Variants in NSD2 observed in about 807,000 individuals in gnomAD.
NSD2 encodes the protein histone-lysine N-methyltransferase NSD2.
Under a neutral mutation model 139.0 loss-of-function variants are expected in NSD2, and 12 were observed. The observed-to-expected ratio is 0.09, with a 90% confidence interval of 0.06 to 0.14. The LOEUF (loss-of-function observed/expected upper bound fraction) is 0.14, where lower values mean the gene tolerates loss of function less well. Ranked by LOEUF, NSD2 falls within the 10% of genes least tolerant of loss-of-function variation. NSD2 has a pLI of 1.00. For synonymous variants in NSD2, 669 were observed against 648.7 expected (o/e 1.03, Z -0.48); for missense variants, 1,155 against 1,745.0 (o/e 0.66, Z 6.02).
At chr4:1,978,080 T>G (rs1219337147) in intron 21 of NSD2, among the ~76,000 whole-genome samples, 1 of 151,970 alleles carries the variant, frequency 6.6e-6, no homozygotes, top group African/African-American at 2.4e-5. Flanking sequence ...TGAGCCAAGA[T>G]TGCGCCACTG....
At chr4:1,906,658 T>C (rs1182466381) in intron 3 of NSD2, among the ~76,000 whole-genome samples, 1 of 140,344 alleles carries the variant, frequency 7.1e-6, no homozygotes, top group Admixed American at 7.0e-5. Context: ...CTCTCTCTTT[T>C]TTTTTTTTTT....
chr4:1,908,019 C>T (rs1263611785), intron 3 of NSD2, among the ~76,000 whole-genome samples: 11 of 152,206 alleles, frequency 7.2e-5, no homozygotes, highest in African/African-American at 2.7e-4. Context: ...TTTCGGGAAA[C>T]ATCACATCAG....
intron 5 of NSD2, among the ~76,000 whole-genome samples, chr4:1,921,328 G>A (rs1720088531): frequency 6.6e-6 from 1 of 151,776 alleles, no homozygotes; most frequent in Middle Eastern, 3.4e-3. Flanking sequence ...GCATGGTGGC[G>A]TGCGCCTGTA....
rs189589851 is a variant in NSD2, at chr4:1,877,003, G to C, written c.-30+5461G>C. ...ATACAAAAAATTAGCTGGGCGTGGT[G>C]GTGGGTGCCTGTAATCCCAGCTACT... is the stretch of plus-strand genomic sequence containing the variant. On this transcript the variant is annotated intron_variant, in intron 1 of 21. Coordinates refer to ENST00000508803, the MANE Select transcript of NSD2 (RefSeq NM_001042424.3). Among the ~76,000 whole-genome samples the C allele has an allele frequency of 1.7e-4, 26 of 151,924 alleles. No homozygotes were observed. In the East Asian group the frequency reaches 4.1e-3, roughly 24 times the overall value.
intron 3 of NSD2, 144 bp downstream of exon 3, chr4:1,904,522 T>C: frequency 1.2e-6 from 1 of 825,598 alleles, no homozygotes; most frequent in South Asian, 2.0e-5. Context: ...TTGATTCAAG[T>C]GTGATGTGTT....
At chr4:1,881,833 G>C (rs1714727936) in intron 1 of NSD2, among the ~76,000 whole-genome samples, 1 of 152,182 alleles carries the variant, frequency 6.6e-6, no homozygotes. Context: ...CTTCCTGATG[G>C]GATAGACACT....
intron 1 of NSD2, among the ~76,000 whole-genome samples, chr4:1,890,289 G>T (rs891524149): frequency 6.6e-6 from 1 of 151,528 alleles, no homozygotes; most frequent in East Asian, 1.9e-4. Flanking sequence ...AGTTTTTTTT[G>T]TTTTGTTTTG....
intron 18 of NSD2, among the ~76,000 whole-genome samples, chr4:1,970,809 C>T (rs549696810): frequency 6.6e-6 from 1 of 152,194 alleles, no homozygotes; most frequent in South Asian, 2.1e-4. Context: ...TGCAGGCTGA[C>T]GGGTCACATA....
At chr4:1,938,412 C>CTTTTTTTTTTTTTTTTTTTTT (rs1159337292) in intron 7 of NSD2, 39 bp from the exon 8 acceptor site, 13 of 645,088 alleles carry the variant, frequency 2.0e-5, no homozygotes, top group South Asian at 7.1e-5. Context: ...TTTTTTTTTT[C>CTTTTTTTTTTTTTTTTTTTTT]TTTCTTTTTT....
intron 6 of NSD2, among the ~76,000 whole-genome samples, chr4:1,933,536 C>G (rs964698464): frequency 6.6e-6 from 1 of 152,076 alleles, no homozygotes; most frequent in Admixed American, 6.5e-5. Flanking sequence ...ACTACAGGCG[C>G]CCGCCACCAT....
chr4:1,924,612 G>C (rs762204882), intron 5 of NSD2, among the ~76,000 whole-genome samples: 1 of 152,026 alleles, frequency 6.6e-6, no homozygotes, highest in Non-Finnish European at 1.5e-5. Flanking sequence ...AAGGTATACA[G>C]TTAAAACTGA....
chr4:1,958,160 C>G lies in NSD2; in HGVS notation c.2985+124C>G. The G allele has an allele frequency of 1.0e-6, 1 of 968,164 alleles. No individual in the cohort carries two copies. Among genetic ancestry groups the G allele is most frequent in the East Asian group, 2.5e-5 (1 of 40,104 alleles). 60.0% of individuals were successfully genotyped at this position (968,164 alleles called of 1,614,324 possible). ...TGTCACCAGCCAGGATCTGTGGTGC[C>G]TGGCATGGATGGCCACACAAGAGAC... is the stretch of plus-strand genomic sequence containing the variant. On this transcript the variant is annotated intron_variant, in intron 16 of 21. Coordinates refer to ENST00000508803, the MANE Select transcript of NSD2 (RefSeq NM_001042424.3). This position sits in a 1 kb window ranked among gnomAD's most constrained non-coding sequence, Gnocchi z 4.6.
chr4:1,959,234 A>G (rs1310922584), intron 16 of NSD2, among the ~76,000 whole-genome samples: 1 of 152,188 alleles, frequency 6.6e-6, no homozygotes, highest in Non-Finnish European at 1.5e-5. Flanking sequence ...ACAGACACTA[A>G]GATAAAATAA....
intron 9 of NSD2, chr4:1,947,158 C>T (rs1030608360): frequency 2.8e-6 from 3 of 1,064,626 alleles, no homozygotes; most frequent in Non-Finnish European, 3.4e-6. Flanking sequence ...TCGGCCAGAC[C>T]AGGCTCCTCC....
intron 1 of NSD2, among the ~76,000 whole-genome samples, chr4:1,872,765 A>G (rs1460589101): frequency 6.6e-6 from 1 of 152,172 alleles, no homozygotes; most frequent in Non-Finnish European, 1.5e-5. Context: ...AAACGCCAGC[A>G]TCACGCATGG....
At chr4:1,895,549 T>A (rs1577377859) in intron 1 of NSD2, among the ~76,000 whole-genome samples, 1 of 152,348 alleles carries the variant, frequency 6.6e-6, no homozygotes, top group Non-Finnish European at 1.5e-5. Flanking sequence ...ACCAATACTT[T>A]TTTTTTTCCA....
intron 1 of NSD2, among the ~76,000 whole-genome samples, chr4:1,883,233 A>T (rs192218125): frequency 6.6e-6 from 1 of 152,316 alleles, no homozygotes; most frequent in East Asian, 1.9e-4. Flanking sequence ...GTTCAGAAAC[A>T]AGAGAAAGCC....
Position 1,948,933 on chromosome 4 carries a change from C to A in NSD2, c.1882-2139C>A. On this transcript the variant is annotated intron_variant, in intron 9 of 21. Transcript: ENST00000508803. The surrounding 1 kb of genome is among the most constrained non-coding windows in gnomAD (Gnocchi z 4.5). ...GGGAAGAGCATGGGTTGGTGGATAG[C>A]GCTGGGGCTCTCTCCCCTGAGCCAT... is the stretch of plus-strand genomic sequence containing the variant. 3 of 468,922 alleles carry A rather than the reference C, an allele frequency of 6.4e-6. No homozygotes were observed. Among genetic ancestry groups the A allele is most frequent in the Non-Finnish European group, 8.5e-6 (3 of 350,972 alleles). 29.0% of individuals were successfully genotyped at this position (468,922 alleles called of 1,614,324 possible).
Position 1,974,754 on chromosome 4 carries a change from T to A in NSD2, c.3373-109T>A, listed in dbSNP as rs1726890513. ...GGACACAGGACACCACGGTTTTCAG[T>A]ACAACAAGGAACACAACTTGTTCAA... On this transcript the variant is annotated intron_variant, in intron 18 of 21. Coordinates refer to ENST00000508803, the MANE Select transcript of NSD2 (RefSeq NM_001042424.3). This position sits in a 1 kb window ranked among gnomAD's most constrained non-coding sequence, Gnocchi z 4.0. 1.3e-6 allele frequency: 2 copies of A among 1,504,122 alleles called. No homozygotes were observed. The highest frequency in any genetic ancestry group is 1.4e-5 in the African/African-American group (1 of 72,640). The allele number at this position is 1,504,122 out of a possible 1,614,324, so 93.2% of individuals were successfully genotyped here. A position where few individuals can be genotyped will look rare whatever the true frequency, so the allele number is the denominator to read the frequency against.
Sources: allele counts gnomAD v4.1 joint callset (sites outside exome capture counted in the v4.1 genomes callset), GRCh38; gene constraint gnomAD v4.1.1; non-coding constraint Gnocchi (gnomAD v3.1); transcripts MANE v1.5; gene names NCBI Gene and HGNC (gene_info 2026-07-23, HGNC 2026-07-21).